ORC3: variants seen among roughly 807,000 people sequenced by gnomAD.
The protein encoded by ORC3 is origin recognition complex subunit 3, also known as homolog of latheo, Drosophila.
A neutral mutation model predicts 100.7 loss-of-function variants in ORC3; 78 were observed. The ratio of observed to expected loss-of-function variants is 0.77; its 90% CI spans 0.65 to 0.94. The LOEUF (loss-of-function observed/expected upper bound fraction) is 0.94. Among genes scored for constraint, ORC3 ranks in the 40% least tolerant of loss-of-function variants. ORC3 has a pLI of 0.00. For synonymous variants in ORC3, 295 were observed against 289.3 expected, an observed-to-expected ratio of 1.02 and a Z score of -0.20; for missense variants, 789 against 823.9, an observed-to-expected ratio of 0.96 and a Z score of 0.52.
Position 87,621,386 on chromosome 6 carries a change from C to T in ORC3, c.1020C>T (p.Pro340=). ...TATTAGAGCATTTCTATTCCCAGCC[C>T]TTAAGTGTCCTGTGCTGTAATCTTC... ...LSLLEHFYSQ[P]LSVLCCNLPE... Residue 340 remains proline (P), a synonymous_variant, in exon 10 of 20, where the codon CCC becomes CCT. Coordinates refer to ENST00000392844, the MANE Select transcript of ORC3 (RefSeq NM_012381.4). 2.5e-6 allele frequency: 4 copies of T among 1,582,866 alleles called. No individual in the cohort carries two copies. The Middle Eastern group carries it at 7.7e-4, about 303-fold the overall frequency.
chr6:87,604,260 A>G (rs1778175520), intron 4 of ORC3, among the ~76,000 whole-genome samples: 1 of 152,218 alleles, frequency 6.6e-6, no homozygotes, highest in African/African-American at 2.4e-5. Context: ...GCTCTGAGAT[A>G]AGGAATTAAT....
the ORC3 span, chr6:87,675,723 G>A: frequency 6.8e-7 from 1 of 1,471,272 alleles, no homozygotes; most frequent in Non-Finnish European, 9.4e-7. Flanking sequence ...GACTTGCAAA[G>A]TTATGCTGCC....
chr6:87,625,553 T>A (rs1266488929), intron 11 of ORC3, among the ~76,000 whole-genome samples: 1 of 152,266 alleles, frequency 6.6e-6, no homozygotes, highest in Non-Finnish European at 1.5e-5. Context: ...ATTTTTTTCT[T>A]GTACATTTGT....
chr6:87,676,356 C>T, the ORC3 span, among the ~76,000 whole-genome samples: 1 of 145,760 alleles, frequency 6.9e-6, no homozygotes, highest in South Asian at 2.2e-4. Context: ...GTCCCAACTA[C>T]TCGGGAGGCT....
At chr6:87,622,422 A>G (rs1330319316) in intron 11 of ORC3, among the ~76,000 whole-genome samples, 2 of 152,116 alleles carry the variant, frequency 1.3e-5, no homozygotes, top group Non-Finnish European at 2.9e-5. Context: ...CTAAGTGGGT[A>G]TTGATTTGAT....
downstream of ORC3, among the ~76,000 whole-genome samples, chr6:87,672,177 T>A (rs778056996): frequency 2.0e-5 from 3 of 152,180 alleles, no homozygotes; most frequent in Non-Finnish European, 4.4e-5. Flanking sequence ...AAGTCAACTT[T>A]TCTGTTTGAA....
At chr6:87,611,586 A>C (rs1778772603) in intron 7 of ORC3, among the ~76,000 whole-genome samples, 1 of 152,204 alleles carries the variant, frequency 6.6e-6, no homozygotes, top group Non-Finnish European at 1.5e-5. Context: ...CAGGAGTTTG[A>C]GACCAGCCTG....
chr6:87,675,726 A>G, the ORC3 span: 1 of 1,466,864 alleles, frequency 6.8e-7, no homozygotes, highest in South Asian at 1.2e-5. Context: ...TTGCAAAGTT[A>G]TGCTGCCTAT....
At chr6:87,641,949 C>T (rs1768290139) in intron 13 of ORC3, among the ~76,000 whole-genome samples, 1 of 152,112 alleles carries the variant, frequency 6.6e-6, no homozygotes, top group South Asian at 2.1e-4. Context: ...AATAATCTAA[C>T]TTATGATGAT....
chr6:87,609,803 C>T (rs531428679), intron 7 of ORC3, among the ~76,000 whole-genome samples: 2 of 152,096 alleles, frequency 1.3e-5, no homozygotes, highest in Admixed American at 1.3e-4. Context: ...CTGCCTGCCT[C>T]GGCCTCCCAA....
chr6:87,617,394 A>G (rs913018181), intron 9 of ORC3, among the ~76,000 whole-genome samples: 2 of 152,136 alleles, frequency 1.3e-5, no homozygotes, highest in African/African-American at 4.8e-5. Flanking sequence ...TGGAAGCTAC[A>G]TAAGTGTAGT....
intron 1 of ORC3, among the ~76,000 whole-genome samples, chr6:87,590,804 A>T (rs549995183): frequency 6.6e-6 from 1 of 152,308 alleles, no homozygotes; most frequent in African/African-American, 2.4e-5. Flanking sequence ...ATAAAATGGC[A>T]TATTAGAGGA....
At chr6:87,675,294 C>A in the ORC3 span, 2 of 412,212 alleles carry the variant, frequency 4.9e-6, no homozygotes, top group Non-Finnish European at 8.8e-6. Context: ...CAGTGAAGGG[C>A]ATGTTCTAGA....
rs1769422299 is a variant in ORC3, at chr6:87,653,310, T to C, written c.1516+61T>C. ...TGACAGTCATTTAACTAAAATGGCATGGAAAACCCCACCTTCTGATGTGCT... is the reference window on the plus strand; with the variant it reads ...TGACAGTCATTTAACTAAAATGGCACGGAAAACCCCACCTTCTGATGTGCT... On this transcript the variant is annotated intron_variant, in intron 14 of 19. Transcript: ENST00000392844. 4.0e-6 allele frequency: 6 copies of C among 1,504,942 alleles called. No homozygotes were observed. The Admixed American group carries it at 9.1e-5, about 23-fold the overall frequency. 93.2% of individuals were successfully genotyped at this position (1,504,942 alleles called of 1,614,324 possible).
chr6:87,672,750 G>A, the ORC3 span, among the ~76,000 whole-genome samples: 2 of 152,274 alleles, frequency 1.3e-5, no homozygotes, highest in South Asian at 2.1e-4. Flanking sequence ...CTTTAGGGTC[G>A]TGTCAAGTGC....
chr6:87,642,149 A>T (rs1768311743), intron 13 of ORC3, among the ~76,000 whole-genome samples: 1 of 152,180 alleles, frequency 6.6e-6, no homozygotes, highest in South Asian at 2.1e-4. Flanking sequence ...TACAAAAAGT[A>T]TATGAGCGTG....
At chr6:87,635,947 A>ATTT (rs200376034) in intron 12 of ORC3, among the ~76,000 whole-genome samples, 28 of 138,960 alleles carry the variant, frequency 2.0e-4, no homozygotes, top group African/African-American at 7.4e-4. Context: ...TATAAATTGC[A>ATTT]TTTTTTTTTT....
intron 12 of ORC3, among the ~76,000 whole-genome samples, chr6:87,636,200 G>A (rs1408650546): frequency 1.3e-5 from 2 of 152,068 alleles, no homozygotes; most frequent in Non-Finnish European, 2.9e-5. Context: ...CCAAAGTGCT[G>A]GGATTACAGG....
rs397935596 is a variant in ORC3, at chr6:87,602,954, A to AATATATAT, written c.178-420_178-413dup. 1.2e-3 allele frequency among the ~76,000 whole-genome samples: 114 copies of AATATATAT among 95,246 alleles called. 6 individuals are homozygous for AATATATAT. The highest frequency in any genetic ancestry group is 3.2e-3 in the African/African-American group (75 of 23,768). The allele number at this position is 95,246 out of a possible 152,430, so 62.5% of individuals were successfully genotyped here. ...CGTTTATATATATATACACATATAT[A>AATATATAT]ATATATATATATATATACATATATA... On this transcript the variant is annotated intron_variant, in intron 3 of 19. Transcript: ENST00000392844.
Sources: allele counts gnomAD v4.1 joint callset (sites outside exome capture counted in the v4.1 genomes callset), GRCh38; gene constraint gnomAD v4.1.1; transcripts MANE v1.5; gene names NCBI Gene and HGNC (gene_info 2026-07-23, HGNC 2026-07-21).